ASS1: variants seen among roughly 807,000 people sequenced by gnomAD.
The protein encoded by ASS1 is argininosuccinate synthase.
A neutral mutation model predicts 60.5 loss-of-function variants in ASS1; 58 were observed. The ratio of observed to expected loss-of-function variants is 0.96; its 90% CI spans 0.78 to 1.19. The LOEUF is 1.19. Ranked by LOEUF, ASS1 falls within the 50% of genes most tolerant of loss-of-function variation. The probability of loss-of-function intolerance (pLI) is 0.00; values close to 1 mark genes in which losing one functional copy is unlikely to be tolerated. For missense variants in ASS1, 454 were observed against 547.3 expected, an observed-to-expected ratio of 0.83 and a Z score of 1.70; for synonymous variants, 200 against 206.9, an observed-to-expected ratio of 0.97 and a Z score of 0.29.
chr9:130,460,165 C>T (rs973242070), intron 4 of ASS1, among the ~76,000 whole-genome samples: 3 of 152,148 alleles, frequency 2.0e-5, no homozygotes, highest in African/African-American at 7.2e-5. Context: ...AGTCCTGGCT[C>T]ACTGTGGGAG....
rs1290928478 is a variant in ASS1, at chr9:130,478,678, G to A, written c.689-1038G>A. Among the ~76,000 whole-genome samples, 2 of 152,178 alleles carry A rather than the reference G, an allele frequency of 1.3e-5. No individual in the cohort carries two copies. Among genetic ancestry groups the A allele is most frequent in the Admixed American group, 1.3e-4 (2 of 15,284 alleles). Reference sequence around the variant, plus strand: ...GGCAGGCCCCATCTAAGGCCCCAGCGAAGGCCGATAATAGGACCGGGGAGG... The same window carrying A: ...GGCAGGCCCCATCTAAGGCCCCAGCAAAGGCCGATAATAGGACCGGGGAGG... On this transcript the variant is annotated intron_variant, in intron 9 of 14. Coordinates refer to ENST00000352480, the MANE Select transcript of ASS1 (RefSeq NM_054012.4). The surrounding 1 kb of genome is among the most constrained non-coding windows in gnomAD (Gnocchi z 4.7).
chr9:130,464,523 G>A (rs1218754919), intron 5 of ASS1, among the ~76,000 whole-genome samples: 2 of 152,074 alleles, frequency 1.3e-5, no homozygotes, highest in African/African-American at 2.4e-5. Context: ...AGGTGCGGGT[G>A]GGGATGGCTC....
intron 6 of ASS1, among the ~76,000 whole-genome samples, chr9:130,468,278 G>A (rs945426409): frequency 1.3e-5 from 2 of 152,112 alleles, no homozygotes; most frequent in African/African-American, 2.4e-5. Flanking sequence ...AAGACGCTTC[G>A]GTAGCCAAGG....
chr9:130,459,582 C>G lies in ASS1; in HGVS notation c.363+993C>G, dbSNP rs1845537376. 6.6e-6 allele frequency among the ~76,000 whole-genome samples: 1 copy of G among 152,064 alleles called. No individual in the cohort carries two copies. Among genetic ancestry groups the G allele is most frequent in the African/African-American group, 2.4e-5 (1 of 41,416 alleles). ...GAGTAGCTGGGATTACAGGTGTGTACCCCACCACACCCGGCTAATTTTTTG... is the reference window on the plus strand; with the variant it reads ...GAGTAGCTGGGATTACAGGTGTGTAGCCCACCACACCCGGCTAATTTTTTG... On this transcript the variant is annotated intron_variant, in intron 4 of 14. Transcript: ENST00000352480. This position sits in a 1 kb window ranked among gnomAD's most constrained non-coding sequence, Gnocchi z 4.6.
intron 11 of ASS1, among the ~76,000 whole-genome samples, chr9:130,485,394 A>C (rs762421077): frequency 6.6e-6 from 1 of 152,096 alleles, no homozygotes; most frequent in Non-Finnish European, 1.5e-5. Flanking sequence ...AGACCGGCCA[A>C]AGTCACACAG....
rs1846370927 is a variant in ASS1 at position 130,488,769 on chromosome 9, T to C, written c.839-564T>C. ...ACCTAGAGCAAGTCCCTTCTCCTCT[T>C]GAGCTCAGTTTCCCCATCTGCACGG... On this transcript the variant is annotated intron_variant, in intron 11 of 14. Coordinates refer to ENST00000352480, the MANE Select transcript of ASS1 (RefSeq NM_054012.4). The surrounding 1 kb of genome is among the most constrained non-coding windows in gnomAD (Gnocchi z 5.2). 6.6e-6 allele frequency among the ~76,000 whole-genome samples: 1 copy of C among 152,140 alleles called. No individual in the cohort carries two copies. The highest frequency in any genetic ancestry group is 2.4e-5 in the African/African-American group (1 of 41,428).
chr9:130,457,964 AC>A (rs1306257973), intron 3 of ASS1, among the ~76,000 whole-genome samples: 1 of 152,006 alleles, frequency 6.6e-6, no homozygotes, highest in African/African-American at 2.4e-5. Flanking sequence ...TTCAAGACCA[AC>A]CTGGCCAACA....
At chr9:130,457,206 G>T (rs1291615940) in intron 3 of ASS1, among the ~76,000 whole-genome samples, 1 of 152,096 alleles carries the variant, frequency 6.6e-6, no homozygotes, top group East Asian at 1.9e-4. Flanking sequence ...TTGTTTGTTT[G>T]TTTTTCTTTT....
At chr9:130,471,966 C>T (rs1171008599) in intron 8 of ASS1, among the ~76,000 whole-genome samples, 4 of 152,024 alleles carry the variant, frequency 2.6e-5, no homozygotes, top group East Asian at 1.9e-4. Flanking sequence ...GTTGCACACC[C>T]GCCACCACCG....
intron 6 of ASS1, among the ~76,000 whole-genome samples, chr9:130,468,464 T>G (rs1274023809): frequency 6.6e-6 from 1 of 152,176 alleles, no homozygotes; most frequent in African/African-American, 2.4e-5. Flanking sequence ...CAGGTTGGAG[T>G]GCAGTGGCAC....
At chr9:130,480,556 G>T (rs1846145512) in intron 11 of ASS1, 107 bp downstream of exon 11, 1 of 1,247,494 alleles carries the variant, frequency 8.0e-7, no homozygotes, top group Non-Finnish European at 1.1e-6. Flanking sequence ...CTCCGTGGGC[G>T]ACCTTGGGCA....
At chr9:130,492,058 G>C (rs952655277) in intron 12 of ASS1, among the ~76,000 whole-genome samples, 2 of 152,234 alleles carry the variant, frequency 1.3e-5, no homozygotes, top group Non-Finnish European at 2.9e-5. Context: ...CCTGTCTGGT[G>C]GGTGAGGACT....
At chr9:130,474,198 C>T (rs554342962) in intron 8 of ASS1, among the ~76,000 whole-genome samples, 4 of 151,872 alleles carry the variant, frequency 2.6e-5, no homozygotes, top group African/African-American at 4.8e-5. Flanking sequence ...AGAAGGCAGG[C>T]GCTCGAGCCA....
chr9:130,475,765 G>A (rs955864245), intron 8 of ASS1, among the ~76,000 whole-genome samples: 20 of 140,330 alleles, frequency 1.4e-4, no homozygotes, highest in Non-Finnish European at 2.6e-4. Flanking sequence ...TTTTTTTGGT[G>A]GGGGGGTGGG....
chr9:130,447,374 T>C (rs985012810), intron 1 of ASS1, among the ~76,000 whole-genome samples: 5 of 152,260 alleles, frequency 3.3e-5, no homozygotes, highest in Non-Finnish European at 5.9e-5. Flanking sequence ...CCTGTGACTG[T>C]GAACATAGTA....
At chr9:130,454,180 C>A in intron 2 of ASS1, 125 bp from the exon 3 acceptor site, 1 of 969,786 alleles carries the variant, frequency 1.0e-6, no homozygotes, top group South Asian at 1.4e-5. Context: ...TTCCTTCTTA[C>A]TGTGACTTGG....
In ASS1 at chr9:130,494,915, A is replaced by G. The variant is rs538040998; in HGVS notation, c.1019A>G (p.Lys340Arg). 1 of 1,613,590 alleles carries G rather than the reference A, an allele frequency of 6.2e-7. No individual in the cohort carries two copies. The highest frequency in any genetic ancestry group is 8.5e-7 in the Non-Finnish European group (1 of 1,179,922). The change falls in exon 13 of 15, where the codon AAG becomes AGG. Residue 340 changes from lysine (K) to arginine (R), a missense_variant. Transcript: ENST00000352480. The surrounding 1 kb of genome is among the most constrained non-coding windows in gnomAD (Gnocchi z 4.3). ...ECEFVRHCIA[K>R]SQERVEGKVQ... ...GAATTTGTCCGCCACTGCATCGCCA[A>G]GTCCCAGGAGCGAGTGGAAGGGAAA...
At chr9:130,481,719 C>T (rs1232649592) in intron 11 of ASS1, among the ~76,000 whole-genome samples, 1 of 152,204 alleles carries the variant, frequency 6.6e-6, no homozygotes, top group Non-Finnish European at 1.5e-5. Context: ...CCTGGAAAGG[C>T]ATGGCAGCAT....
intron 8 of ASS1, among the ~76,000 whole-genome samples, chr9:130,473,289 C>T (rs1845917619): frequency 6.6e-6 from 1 of 152,198 alleles, no homozygotes; most frequent in Non-Finnish European, 1.5e-5. Context: ...CCTCCTAGGG[C>T]ATCTAAAGCG....
Sources: allele counts gnomAD v4.1 joint callset (sites outside exome capture counted in the v4.1 genomes callset), GRCh38; gene constraint gnomAD v4.1.1; non-coding constraint Gnocchi (gnomAD v3.1); transcripts MANE v1.5; gene names NCBI Gene and HGNC (gene_info 2026-07-23, HGNC 2026-07-21).